TRPV1: variants seen among roughly 807,000 people sequenced by gnomAD.
TRPV1 encodes the protein OTRPC1.
Under a neutral mutation model 82.3 loss-of-function variants are expected in TRPV1, and 82 were observed. The ratio of observed to expected loss-of-function variants is 1.00; its 90% CI spans 0.83 to 1.20. The LOEUF (loss-of-function observed/expected upper bound fraction) is 1.20, where lower values mean the gene tolerates loss of function less well. TRPV1 is among the 50% of genes most tolerant of loss of function. TRPV1 has a pLI of 0.00. For synonymous variants in TRPV1, 515 were observed against 467.7 expected (o/e 1.10, Z -1.30); for missense variants, 1,067 against 1,096.8 (o/e 0.97, Z 0.38).
chr17:3,569,850 G>GT (rs2074823330), intron 16 of TRPV1, among the ~76,000 whole-genome samples: 1 of 151,960 alleles, frequency 6.6e-6, no homozygotes, highest in Non-Finnish European at 1.5e-5. Flanking sequence ...AACCTTTAAC[G>GT]TCTCTGTCCC....
At chr17:3,576,668 A>AAAAAAATATATATATATATAT in intron 13 of TRPV1, among the ~76,000 whole-genome samples, 3 of 38,424 alleles carry the variant, frequency 7.8e-5, no homozygotes, top group African/African-American at 2.2e-4. Flanking sequence ...AAAAAAAAAA[A>AAAAAAATATATATATATATAT]ATATATATAT....
intron 10 of TRPV1, 121 bp from the exon 11 acceptor site, chr17:3,580,648 G>T: frequency 9.6e-7 from 1 of 1,047,028 alleles, no homozygotes; most frequent in Non-Finnish European, 1.5e-6. Flanking sequence ...AGCACAGATT[G>T]TGAAAAGAGC....
intron 16 of TRPV1, among the ~76,000 whole-genome samples, chr17:3,568,288 C>T (rs936318150): frequency 6.7e-6 from 1 of 149,384 alleles, no homozygotes; most frequent in Non-Finnish European, 1.5e-5. Flanking sequence ...CGCCACTGCA[C>T]TCCAGCCTGG....
At chr17:3,571,132 G>A (rs1415208959) in intron 16 of TRPV1, among the ~76,000 whole-genome samples, 1 of 152,152 alleles carries the variant, frequency 6.6e-6, no homozygotes, top group Non-Finnish European at 1.5e-5. Context: ...GTTTGTGTCC[G>A]CACAGCCTCT....
At chr17:3,572,383 C>T in intron 14 of TRPV1, 134 bp from the exon 15 acceptor site, 1 of 1,108,428 alleles carries the variant, frequency 9.0e-7, no homozygotes, top group Non-Finnish European at 1.3e-6. Context: ...CCAGTGCCCT[C>T]CACGCTAGCT....
At chr17:3,589,012 G>C in intron 7 of TRPV1, 1 of 1,495,184 alleles carries the variant, frequency 6.7e-7, no homozygotes, top group South Asian at 1.2e-5. Context: ...AGAGCCAGAT[G>C]GGGTGGCTCA....
At chr17:3,580,422 G>A in intron 11 of TRPV1, 35 bp downstream of exon 11, 1 of 1,611,962 alleles carries the variant, frequency 6.2e-7, no homozygotes, top group Non-Finnish European at 8.5e-7. Context: ...GGTCACCTGG[G>A]GACTGGACTG....
At chr17:3,577,978 C>G (rs181018221) in intron 11 of TRPV1, 125 of 540,208 alleles carry the variant, frequency 2.3e-4, no homozygotes, top group Non-Finnish European at 3.9e-4. Flanking sequence ...TGTGCAAAAT[C>G]TCACTCTTTA....
rs199751683 is a variant in TRPV1 at position 3,577,705 on chromosome 17, C to T, written c.1606G>A (p.Glu536Lys). Residue 536 changes from glutamate to lysine, a missense_variant, in exon 12 of 17, where the codon GAG becomes AAG. Transcript: ENST00000572705. The part of the protein sequence containing the change: ...TVVLYFSHLK[E>K]YVASMVFSLA... ...GAGAATACCATGGAAGCCACATACT[C>T]CTTGAGGTGGCTGAAGTACAGCACC... 5 of 1,590,408 alleles carry T rather than the reference C, an allele frequency of 3.1e-6. No homozygotes were observed. The highest frequency in any genetic ancestry group is 4.3e-6 in the Non-Finnish European group (5 of 1,168,952).
intron 3 of TRPV1, 84 bp from the exon 4 acceptor site, chr17:3,591,437 T>A: frequency 6.8e-7 from 1 of 1,471,442 alleles, no homozygotes; most frequent in Non-Finnish European, 9.1e-7. Flanking sequence ...GGAACACGAC[T>A]AAATCCCAAG....
Position 3,566,940 on chromosome 17 carries a change from C to T in TRPV1, c.2395G>A (p.Glu799Lys). Residue 799 changes from glutamate to lysine, a missense_variant, in exon 17 of 17, where the codon GAG becomes AAG. Coordinates refer to ENST00000572705, the MANE Select transcript of TRPV1 (RefSeq NM_080704.4). ...GACTGCCTATCTCGAGCACTTGCCT[C>T]TCTTAAAAGGGGGACCAGGGCAAAG... ...KNFALVPLLR[E>K]ASARDRQSAQ... The T allele has an allele frequency of 6.2e-7, 1 of 1,613,982 alleles. No homozygotes were observed. The highest frequency in any genetic ancestry group is 1.1e-5 in the South Asian group (1 of 91,088).
chr17:3,603,905 C>A (rs1161410565), intron 2 of TRPV1, among the ~76,000 whole-genome samples: 1 of 152,132 alleles, frequency 6.6e-6, no homozygotes, highest in African/African-American at 2.4e-5. Context: ...AATCCCCTAG[C>A]AGAGCAGTAG....
intron 1 of TRPV1, 184 bp from the exon 2 acceptor site, chr17:3,608,749 G>T (rs1044016823): frequency 6.6e-6 from 1 of 152,160 alleles, no homozygotes; most frequent in Admixed American, 6.5e-5. Flanking sequence ...AGAACACCAG[G>T]GCAAGGCTTT....
chr17:3,588,077 C>G, intron 8 of TRPV1, 111 bp downstream of exon 8: 1 of 1,304,204 alleles, frequency 7.7e-7, no homozygotes, highest in East Asian at 2.5e-5. Context: ...TGGGCCCGGG[C>G]GCAGCAGGCT....
rs1221800443 is a variant in TRPV1 at position 3,577,646 on chromosome 17, G to A, written c.1665C>T (p.Tyr555=). ...TGCCCATCTGCTGGAAACCGCGGGT[G>A]TAGTAGAGCATGTTGGTCCAGCCCA... ...LALGWTNMLY[Y]TRGFQQMGIY... The change falls in exon 12 of 17, where the codon TAC becomes TAT. Residue 555 remains tyrosine (Y), a synonymous_variant. Coordinates refer to ENST00000572705, the MANE Select transcript of TRPV1 (RefSeq NM_080704.4). 2 of 1,585,852 alleles carry A rather than the reference G, an allele frequency of 1.3e-6. No individual in the cohort carries two copies. The highest frequency in any genetic ancestry group is 1.7e-6 in the Non-Finnish European group (2 of 1,166,444).
intron 13 of TRPV1, among the ~76,000 whole-genome samples, chr17:3,576,690 T>TATATGC (rs71153375): frequency 0.024 from 2,455 of 101,780 alleles, 82 homozygotes; most frequent in Non-Finnish European, 0.034. Flanking sequence ...TATATATATA[T>TATATGC]GCATAAAAAC....
chr17:3,580,443 A>G lies in TRPV1; in HGVS notation c.1547+14T>C, dbSNP rs568286123. The G allele has an allele frequency of 1.9e-6, 3 of 1,613,580 alleles. No individual in the cohort carries two copies. The highest frequency in any genetic ancestry group is 1.1e-5 in the South Asian group (1 of 91,086). The stretch of plus-strand genomic sequence containing the variant: ...CTGGGGACTGGACTGGGAATGAGTC[A>G]AAGTGTCACTTACAAAAGCATCTCA... On this transcript the variant is annotated intron_variant, in intron 11 of 16. Transcript: ENST00000572705.
At chr17:3,570,169 A>ACCAACC (rs2074833420) in intron 16 of TRPV1, among the ~76,000 whole-genome samples, 1 of 152,124 alleles carries the variant, frequency 6.6e-6, no homozygotes, top group African/African-American at 2.4e-5. Context: ...AGGTCAGGAG[A>ACCAACC]CCAACCTGGC....
At chr17:3,599,154 A>G (rs111685873) in intron 2 of TRPV1, among the ~76,000 whole-genome samples, 27,663 of 151,558 alleles carry the variant, frequency 0.18, 8,048 homozygotes, top group African/African-American at 0.62. Context: ...CAGGAGAATC[A>G]CTTGAACCCG....
Sources: gnomAD v4.1 joint callset for allele counts (sites outside exome capture counted in the v4.1 genomes callset) on GRCh38, gnomAD v4.1.1 for gene constraint, MANE v1.5 for transcripts, NCBI Gene and HGNC (gene_info 2026-07-23, HGNC 2026-07-21) for gene names.